Variants in ARHGEF12 observed in about 807,000 individuals in gnomAD.
ARHGEF12 encodes Rho guanine nucleotide exchange factor 12.
Under a neutral mutation model 211.2 loss-of-function variants are expected in ARHGEF12, and 66 were observed. That is an observed-to-expected ratio of 0.31 (90% confidence interval 0.26 to 0.38). ARHGEF12 has a LOEUF of 0.38. Among genes scored for constraint, ARHGEF12 ranks in the 10% least tolerant of loss-of-function variants. The pLI, the probability that ARHGEF12 is intolerant of heterozygous loss-of-function variation, is 1.00. For synonymous variants in ARHGEF12, 592 were observed against 638.4 expected, an observed-to-expected ratio of 0.93 and a Z score of 1.09; for missense variants, 1,429 against 1,869.5, an observed-to-expected ratio of 0.76 and a Z score of 4.34.
chr11:120,396,439 C>T (rs1044292798), intron 1 of ARHGEF12, among the ~76,000 whole-genome samples: 1 of 152,048 alleles, frequency 6.6e-6, no homozygotes, highest in Non-Finnish European at 1.5e-5. Flanking sequence ...GCAACCACTC[C>T]CTTAACCAAA....
intron 13 of ARHGEF12, among the ~76,000 whole-genome samples, chr11:120,440,962 T>C (rs115305318): frequency 0.011 from 1,708 of 152,286 alleles, 32 homozygotes; most frequent in African/African-American, 0.039. Context: ...TCTGATTGTC[T>C]ATTAATATGG....
chr11:120,388,881 C>T (rs551295569), intron 1 of ARHGEF12, among the ~76,000 whole-genome samples: 13 of 151,188 alleles, frequency 8.6e-5, no homozygotes, highest in South Asian at 2.1e-4. Flanking sequence ...TTTTATTTTG[C>T]GACAGAGTTT....
rs766368379 is a variant in ARHGEF12, at chr11:120,478,166, G to A, written c.3543G>A (p.Leu1181=). 5 of 1,610,060 alleles carry A rather than the reference G, an allele frequency of 3.1e-6. No individual in the cohort carries two copies. The highest frequency in any genetic ancestry group is 4.2e-6 in the Non-Finnish European group (5 of 1,177,594). ...TATTCCATTGGACAGACAGAGATTTGGGATTAGAATCTACCTTAATATCGT... is the reference window on the plus strand; with the variant it reads ...TATTCCATTGGACAGACAGAGATTTAGGATTAGAATCTACCTTAATATCGT... ...VTGLQSPDRD[L]GLESTLISSK... Residue 1181 remains leucine (L), a synonymous_variant, in exon 37 of 41, where the codon TTG becomes TTA. Transcript: ENST00000397843.
chr11:120,425,352 T>TTTGTTTG, intron 7 of ARHGEF12, among the ~76,000 whole-genome samples: 1 of 150,354 alleles, frequency 6.7e-6, no homozygotes, highest in South Asian at 2.1e-4. Flanking sequence ...TTTTTTTTTT[T>TTTGTTTG]TTTGTTTGTT....
At chr11:120,451,889 T>G (rs1946225402) in intron 22 of ARHGEF12, among the ~76,000 whole-genome samples, 165 bp downstream of exon 22, 1 of 152,220 alleles carries the variant, frequency 6.6e-6, no homozygotes, top group South Asian at 2.1e-4. Context: ...GAATGATAAC[T>G]TAAGTTCTCA....
chr11:120,436,672 A>G (rs1221412619), intron 11 of ARHGEF12, among the ~76,000 whole-genome samples: 1 of 152,218 alleles, frequency 6.6e-6, no homozygotes, highest in Non-Finnish European at 1.5e-5. Context: ...ATACAGTATA[A>G]CAACTATTTA....
chr11:120,431,670 T>A, intron 10 of ARHGEF12, 101 bp from the exon 11 acceptor site: 1 of 1,271,834 alleles, frequency 7.9e-7, no homozygotes, highest in Non-Finnish European at 1.0e-6. Context: ...CTTTTAGTAG[T>A]CTCCATGTAG....
Position 120,351,279 on chromosome 11 carries a change from G to A in ARHGEF12, c.32+14004G>A, listed in dbSNP as rs75995139. On this transcript the variant is annotated intron_variant, in intron 1 of 40. Coordinates refer to ENST00000397843, the MANE Select transcript of ARHGEF12 (RefSeq NM_015313.3). ...GGAGAATGGCATGAACCCGGGAGGC[G>A]GAGCTTGCAGTGAGCCGAGATCACC... Among the ~76,000 whole-genome samples, 997 of 135,562 alleles carry A rather than the reference G, an allele frequency of 7.4e-3. 66 individuals are homozygous for A. The South Asian group carries it at 0.15, about 21-fold the overall frequency. 88.9% of individuals were successfully genotyped at this position (135,562 alleles called of 152,430 possible).
chr11:120,409,696 C>A, intron 4 of ARHGEF12: 1 of 379,196 alleles, frequency 2.6e-6, no homozygotes, highest in South Asian at 5.3e-5. Context: ...CCCATCTTCT[C>A]CCGTCTTGTT....
At chr11:120,426,860 GTTTTTTTTT>G (rs1565472538) in intron 7 of ARHGEF12, among the ~76,000 whole-genome samples, 10 of 145,378 alleles carry the variant, frequency 6.9e-5, no homozygotes, top group African/African-American at 1.6e-4. Context: ...TGATTATGGT[GTTTTTTTTT>G]GTTTTTGTTT....
At chr11:120,429,336 A>G in intron 8 of ARHGEF12, 104 bp from the exon 9 acceptor site, 1 of 863,450 alleles carries the variant, frequency 1.2e-6, no homozygotes. Flanking sequence ...GGTATTGATA[A>G]TTGGAGCCGA....
intron 1 of ARHGEF12, among the ~76,000 whole-genome samples, chr11:120,347,226 T>C (rs936024442): frequency 2.1e-5 from 3 of 141,208 alleles, no homozygotes; most frequent in Non-Finnish European, 4.6e-5. Context: ...CTTTCTTTCT[T>C]TCTCTCTGTC....
At chr11:120,366,780 C>T (rs907891908) in intron 1 of ARHGEF12, among the ~76,000 whole-genome samples, 8 of 152,108 alleles carry the variant, frequency 5.3e-5, no homozygotes, top group East Asian at 1.9e-4. Flanking sequence ...TTTGAGAGGC[C>T]GAGGTGGGCG....
chr11:120,477,620 T>A, intron 36 of ARHGEF12, 94 bp downstream of exon 36: 4 of 1,218,026 alleles, frequency 3.3e-6, no homozygotes, highest in South Asian at 1.3e-5. Flanking sequence ...ATCCCAGTGC[T>A]TTGGGAGGTC....
At chr11:120,431,061 G>A (rs951370718) in intron 10 of ARHGEF12, among the ~76,000 whole-genome samples, 1 of 151,990 alleles carries the variant, frequency 6.6e-6, no homozygotes, top group African/African-American at 2.4e-5. Context: ...AGGCCGAGGC[G>A]GGCAGATCAT....
At chr11:120,396,790 T>G (rs1407565998) in intron 1 of ARHGEF12, among the ~76,000 whole-genome samples, 1 of 152,212 alleles carries the variant, frequency 6.6e-6, no homozygotes, top group Non-Finnish European at 1.5e-5. Context: ...ACCATAAACA[T>G]GGGCAGTGAC....
intron 1 of ARHGEF12, among the ~76,000 whole-genome samples, chr11:120,404,280 T>G (rs918969843): frequency 6.6e-6 from 1 of 152,218 alleles, no homozygotes; most frequent in African/African-American, 2.4e-5. Context: ...ATTATCTTGG[T>G]GACTTTCCTA....
In ARHGEF12 at chr11:120,421,429, G is replaced by GTTTTT. The variant is rs1175598503; in HGVS notation, c.299-366_299-362dup. Among the ~76,000 whole-genome samples, 72 of 79,876 alleles carry GTTTTT rather than the reference G, an allele frequency of 9.0e-4. 14 individuals are homozygous for GTTTTT. The highest frequency in any genetic ancestry group is 2.9e-3 in the East Asian group (6 of 2,102). 52.4% of individuals were successfully genotyped at this position (79,876 alleles called of 152,430 possible). A position where few individuals can be genotyped will look rare whatever the true frequency, so the allele number is the denominator to read the frequency against. ...ATGTAAAGTCTGACTTTACAGCCTTGTTTTTTTTTTTTGTTTTTTTTTTTT... is the reference window on the plus strand; with the variant it reads ...ATGTAAAGTCTGACTTTACAGCCTTGTTTTTTTTTTTTTTTTTGTTTTTTTTTTTT... On this transcript the variant is annotated intron_variant, in intron 5 of 40. Transcript: ENST00000397843.
At chr11:120,403,768 C>G (rs980644884) in intron 1 of ARHGEF12, among the ~76,000 whole-genome samples, 1 of 152,196 alleles carries the variant, frequency 6.6e-6, no homozygotes, top group African/African-American at 2.4e-5. Flanking sequence ...GTCATAGTCA[C>G]ATACAGCTGT....
Sources: allele counts gnomAD v4.1 joint callset (sites outside exome capture counted in the v4.1 genomes callset), GRCh38; gene constraint gnomAD v4.1.1; transcripts MANE v1.5; gene names NCBI Gene and HGNC (gene_info 2026-07-23, HGNC 2026-07-21).